Variants in CNTNAP2 observed in about 807,000 individuals in gnomAD.
CNTNAP2 encodes the protein contactin associated protein 2.
In CNTNAP2, 98 loss-of-function variants were observed where a neutral mutation model predicts 155.2. The observed-to-expected ratio is 0.63, with a 90% CI of 0.54 to 0.75. The LOEUF (loss-of-function observed/expected upper bound fraction) is 0.75, where lower values mean the gene tolerates loss of function less well. Ranked by LOEUF, CNTNAP2 falls within the 30% of genes least tolerant of loss-of-function variation. The pLI is 0.00. For synonymous variants in CNTNAP2, 651 were observed against 631.2 expected, an observed-to-expected ratio of 1.03 and a Z score of -0.47; for missense variants, 1,727 against 1,688.1, an observed-to-expected ratio of 1.02 and a Z score of -0.40.
chr7:147,041,794 A>G (rs1291287309), intron 3 of CNTNAP2, among the ~76,000 whole-genome samples: 1 of 152,226 alleles, frequency 6.6e-6, no homozygotes, highest in Non-Finnish European at 1.5e-5. Context: ...TGCTAAGCAT[A>G]TAGTTAATTT....
chr7:147,182,751 A>T (rs942694832), intron 8 of CNTNAP2, among the ~76,000 whole-genome samples: 4 of 152,078 alleles, frequency 2.6e-5, no homozygotes, highest in Non-Finnish European at 5.9e-5. Context: ...TCTCTGCTTT[A>T]CAATTTAATA....
At chr7:147,588,381 G>A (rs1800673358) in intron 12 of CNTNAP2, among the ~76,000 whole-genome samples, 1 of 151,998 alleles carries the variant, frequency 6.6e-6, no homozygotes, top group Non-Finnish European at 1.5e-5. Context: ...TTTCAAAAGA[G>A]GTTCACTACT....
At chr7:146,730,944 C>T (rs1318247061) in intron 1 of CNTNAP2, among the ~76,000 whole-genome samples, 1 of 152,128 alleles carries the variant, frequency 6.6e-6, no homozygotes, top group Non-Finnish European at 1.5e-5. Flanking sequence ...AACCTTCTAT[C>T]CACAGAACAC....
At chr7:146,295,703 T>C (rs1800503552) in intron 1 of CNTNAP2, among the ~76,000 whole-genome samples, 1 of 152,028 alleles carries the variant, frequency 6.6e-6, no homozygotes, top group Non-Finnish European at 1.5e-5. Flanking sequence ...ATCTTGTAGA[T>C]CTAGCTCAAT....
chr7:146,943,099 A>G (rs1449252330), intron 3 of CNTNAP2, among the ~76,000 whole-genome samples: 1 of 152,128 alleles, frequency 6.6e-6, no homozygotes, highest in African/African-American at 2.4e-5. Flanking sequence ...ATAATTTTTG[A>G]CTCCTAAAAA....
intron 15 of CNTNAP2, among the ~76,000 whole-genome samples, chr7:148,048,204 G>A (rs111316231): frequency 0.014 from 2,088 of 151,636 alleles, 69 homozygotes; most frequent in African/African-American, 0.047. Flanking sequence ...GATTACAGGC[G>A]TGAGCCACCA....
intron 10 of CNTNAP2, among the ~76,000 whole-genome samples, chr7:147,409,182 T>C (rs1797059576): frequency 2.0e-5 from 3 of 152,128 alleles, no homozygotes; most frequent in African/African-American, 7.2e-5. Flanking sequence ...GTAGCAGCAA[T>C]TGAGCAATAG....
chr7:146,463,730 A>T (rs980496244), intron 1 of CNTNAP2, among the ~76,000 whole-genome samples: 1 of 152,136 alleles, frequency 6.6e-6, no homozygotes, highest in African/African-American at 2.4e-5. Flanking sequence ...GTGTGTATAT[A>T]TATAGAGTAA....
At chr7:146,815,392 A>T (rs1461185423) in intron 2 of CNTNAP2, among the ~76,000 whole-genome samples, 1 of 152,158 alleles carries the variant, frequency 6.6e-6, no homozygotes, top group Non-Finnish European at 1.5e-5. Context: ...ATTCGTAATG[A>T]TTATATTTTA....
intron 16 of CNTNAP2, among the ~76,000 whole-genome samples, chr7:148,143,739 CCTCTGTCCT>C (rs1044898863): frequency 2.6e-5 from 4 of 152,180 alleles, no homozygotes; most frequent in South Asian, 2.1e-4. Flanking sequence ...CCAGGCTCAT[CCTCTGTCCT>C]CTCTGTCCTC....
At chr7:148,054,261 T>A (rs1158344478) in intron 15 of CNTNAP2, among the ~76,000 whole-genome samples, 1 of 152,116 alleles carries the variant, frequency 6.6e-6, no homozygotes, top group Non-Finnish European at 1.5e-5. Context: ...CGTGAGCCAC[T>A]GCGCCCGGCT....
At chr7:147,856,629 CTT>C (rs3055148) in intron 13 of CNTNAP2, among the ~76,000 whole-genome samples, 33 of 145,266 alleles carry the variant, frequency 2.3e-4, no homozygotes, top group East Asian at 8.1e-4. Context: ...ATTAGTTTGG[CTT>C]TTTTTTTTTT....
At position 148,415,801 on chromosome 7, in the gene CNTNAP2, TATTTCTTTATAGCTGAG is replaced by T. The variant is rs1432941319; in HGVS notation, c.*186_*202del. The T allele has an allele frequency of 1.5e-6, 1 of 662,456 alleles. No individual in the cohort carries two copies. The highest frequency in any genetic ancestry group is 1.9e-5 in the African/African-American group (1 of 54,036). The allele number at this position is 662,456 out of a possible 1,614,324, so 41.0% of individuals were successfully genotyped here. ...ATCACAAAAAAAAAAACCTTTTTAATATTTCTTTATAGCTGAGTTTTCCCTTCTGTATCAAAACAAAA... is the reference window on the plus strand; with the variant it reads ...ATCACAAAAAAAAAAACCTTTTTAATTTTTCCCTTCTGTATCAAAACAAAA... On this transcript the variant is annotated 3_prime_UTR_variant, in exon 24 of 24. Coordinates refer to ENST00000361727, the MANE Select transcript of CNTNAP2 (RefSeq NM_014141.6).
At chr7:147,549,191 C>T (rs1049511193) in intron 11 of CNTNAP2, among the ~76,000 whole-genome samples, 1 of 152,080 alleles carries the variant, frequency 6.6e-6, no homozygotes, top group Admixed American at 6.5e-5. Flanking sequence ...TTACTTTGGG[C>T]AGTATGGCCA....
chr7:147,460,332 G>A (rs984039361), intron 10 of CNTNAP2, among the ~76,000 whole-genome samples: 3 of 152,046 alleles, frequency 2.0e-5, no homozygotes, highest in Non-Finnish European at 2.9e-5. Context: ...ATTCAAACAT[G>A]TTCTGGTATC....
Position 147,601,664 on chromosome 7 carries a change from T to C in CNTNAP2, c.1898-37442T>C, listed in dbSNP as rs1396227134. Among the ~76,000 whole-genome samples, 3 of 144,038 alleles carry C rather than the reference T, an allele frequency of 2.1e-5. No individual in the cohort carries two copies. The Admixed American group carries it at 2.1e-4, about 10-fold the overall frequency. The allele number at this position is 144,038 out of a possible 152,430, so 94.5% of individuals were successfully genotyped here. A position where few individuals can be genotyped will look rare whatever the true frequency, so the allele number is the denominator to read the frequency against. On this transcript the variant is annotated intron_variant, in intron 12 of 23. Transcript: ENST00000361727. The stretch of plus-strand genomic sequence containing the variant: ...AAAAAAATATATATATATATATATA[T>C]ATATATATATACACACCATCATAGT...
intron 13 of CNTNAP2, among the ~76,000 whole-genome samples, chr7:147,714,951 A>T (rs1308076015): frequency 2.6e-5 from 4 of 152,118 alleles, no homozygotes; most frequent in African/African-American, 9.7e-5. Flanking sequence ...GTATTCTTTT[A>T]AGATTTTTTT....
At chr7:146,134,530 T>C (rs1462001676) in intron 1 of CNTNAP2, among the ~76,000 whole-genome samples, 2 of 151,522 alleles carry the variant, frequency 1.3e-5, no homozygotes, top group African/African-American at 4.8e-5. Context: ...CCATTCAGTA[T>C]GATATTGGCT....
At chr7:147,547,645 A>ACG in intron 11 of CNTNAP2, among the ~76,000 whole-genome samples, 1 of 152,028 alleles carries the variant, frequency 6.6e-6, no homozygotes, top group South Asian at 2.1e-4. Flanking sequence ...ACACACACAC[A>ACG]CACACAACAA....
Sources: gnomAD v4.1 joint callset for allele counts (sites outside exome capture counted in the v4.1 genomes callset) on GRCh38, gnomAD v4.1.1 for gene constraint, MANE v1.5 for transcripts, NCBI Gene and HGNC (gene_info 2026-07-23, HGNC 2026-07-21) for gene names.